SOCS4: variants seen among roughly 807,000 people sequenced by gnomAD.
SOCS4 encodes SH2 domain containing SOCS box protein.
A neutral mutation model predicts 34.1 loss-of-function variants in SOCS4; 20 were observed. That is an observed-to-expected ratio of 0.59 (90% CI 0.41 to 0.85). The LOEUF (loss-of-function observed/expected upper bound fraction) is 0.85, where lower values mean the gene tolerates loss of function less well. Ranked by LOEUF, SOCS4 falls within the 40% of genes least tolerant of loss-of-function variation. The pLI is 0.00. For synonymous variants in SOCS4, 180 were observed against 186.4 expected (o/e 0.97, Z 0.28); for missense variants, 479 against 532.4 (o/e 0.90, Z 0.99).
At chr14:55,035,873 A>T (rs2042567985) in intron 2 of SOCS4, among the ~76,000 whole-genome samples, 1 of 152,100 alleles carries the variant, frequency 6.6e-6, no homozygotes, top group South Asian at 2.1e-4. Flanking sequence ...ATTTTAATAA[A>T]AATTGGCCAT....
intron 1 of SOCS4, among the ~76,000 whole-genome samples, chr14:55,028,578 A>G (rs975334429): frequency 2.6e-5 from 4 of 152,162 alleles, no homozygotes; most frequent in African/African-American, 9.7e-5. Context: ...GGTTAGTACT[A>G]TTCAGAGCTC....
chr14:55,043,228 A>T lies in SOCS4; in HGVS notation c.187A>T (p.Arg63Trp). ...TATAGAGAAAACCGAAGTGTCTTTA[A>T]GGAACCAAGAAAGGAAGCACAGCTG... ...NGIEKTEVSLRNQERKHSCSS... is the reference protein window; with the variant it reads ...NGIEKTEVSLWNQERKHSCSS... The change falls in exon 3 of 3, where the codon AGG becomes TGG. Residue 63 changes from arginine (R) to tryptophan (W), a missense_variant. By Grantham distance (101) the Arg-to-Trp change is moderately radical. Coordinates refer to ENST00000555846, the MANE Select transcript of SOCS4 (RefSeq NM_199421.2). 2 of 1,614,246 alleles carry T rather than the reference A, an allele frequency of 1.2e-6. No homozygotes were observed. Among genetic ancestry groups the T allele is most frequent in the Non-Finnish European group, 1.7e-6 (2 of 1,180,052 alleles).
At chr14:55,039,845 G>A (rs546021472) in intron 2 of SOCS4, among the ~76,000 whole-genome samples, 128 of 151,954 alleles carry the variant, frequency 8.4e-4, no homozygotes, top group East Asian at 3.9e-4. Flanking sequence ...GCAGTGAGCC[G>A]AGATCGTGCC....
In SOCS4 at chr14:55,045,231, G is replaced by T. The variant is rs1257507953; in HGVS notation, c.*867G>T. 6.0e-6 allele frequency: 1 copy of T among 166,888 alleles called. No homozygotes were observed. Among genetic ancestry groups the T allele is most frequent in the Non-Finnish European group, 1.5e-5 (1 of 68,026 alleles). 10.3% of individuals were successfully genotyped at this position (166,888 alleles called of 1,614,324 possible). A position where few individuals can be genotyped will look rare whatever the true frequency, so the allele number is the denominator to read the frequency against. ...TTACTAAAGTGCTAAAGTAATTGTGGGGTTTTTCTGTATTAGCTTATGAAC... is the reference window on the plus strand; with the variant it reads ...TTACTAAAGTGCTAAAGTAATTGTGTGGTTTTTCTGTATTAGCTTATGAAC... On this transcript the variant is annotated 3_prime_UTR_variant, in exon 3 of 3. Transcript: ENST00000555846.
intron 2 of SOCS4, among the ~76,000 whole-genome samples, chr14:55,034,576 G>A (rs918491712): frequency 1.3e-5 from 2 of 152,252 alleles, no homozygotes; most frequent in African/African-American, 2.4e-5. Context: ...ACTCATGCCT[G>A]TAATCTTAGC....
chr14:55,041,996 T>C (rs1426106258), intron 2 of SOCS4, among the ~76,000 whole-genome samples: 1 of 151,730 alleles, frequency 6.6e-6, no homozygotes, highest in Non-Finnish European at 1.5e-5. Context: ...TTTCACTGTT[T>C]TGGCCAGGCT....
chr14:55,045,211 A>G lies in SOCS4; in HGVS notation c.*847A>G, dbSNP rs1196919936. 6.0e-6 allele frequency: 1 copy of G among 167,028 alleles called. No individual in the cohort carries two copies. Among genetic ancestry groups the G allele is most frequent in the East Asian group, 1.9e-4 (1 of 5,208 alleles). 10.3% of individuals were successfully genotyped at this position (167,028 alleles called of 1,614,324 possible). A position where few individuals can be genotyped will look rare whatever the true frequency, so the allele number is the denominator to read the frequency against. On this transcript the variant is annotated 3_prime_UTR_variant, in exon 3 of 3. Coordinates refer to ENST00000555846, the MANE Select transcript of SOCS4 (RefSeq NM_199421.2). ...ACACTATTAGTAGCTAGTAGTTACT[A>G]AAGTGCTAAAGTAATTGTGGGGTTT...
Position 55,048,949 on chromosome 14 carries a change from ACTTCT to A in SOCS4, c.*4589_*4593del, listed in dbSNP as rs1433727642. On this transcript the variant is annotated 3_prime_UTR_variant, in exon 3 of 3. Transcript: ENST00000555846. ...TAGTGGATGCTGCATAATTACATTCACTTCTCTTAGACTGTAAAAGACTTTCTTGA... is the reference window on the plus strand; with the variant it reads ...TAGTGGATGCTGCATAATTACATTCACTTAGACTGTAAAAGACTTTCTTGA... The A allele has an allele frequency of 6.0e-6, 1 of 167,016 alleles. No homozygotes were observed. The highest frequency in any genetic ancestry group is 6.5e-5 in the Admixed American group (1 of 15,284). The allele number at this position is 167,016 out of a possible 1,614,324, so 10.3% of individuals were successfully genotyped here.
chr14:55,043,599 C>A lies in SOCS4; in HGVS notation c.558C>A (p.Asn186Lys). ...GAAGAAATATGGAAGAAAATATAAA[C>A]TGTTTCTCACATACCAATGTTCAGC... ...LKRRNMEENINCFSHTNVQPC... is the reference protein window; with the variant it reads ...LKRRNMEENIKCFSHTNVQPC... Residue 186 changes from asparagine to lysine, a missense_variant, in exon 3 of 3, where the codon AAC (asparagine) becomes AAA (lysine). Transcript: ENST00000555846. 1 of 1,614,150 alleles carries A rather than the reference C, an allele frequency of 6.2e-7. No homozygotes were observed. Among genetic ancestry groups the A allele is most frequent in the Non-Finnish European group, 8.5e-7 (1 of 1,180,014 alleles).
In SOCS4 at chr14:55,043,918, A is replaced by G; in HGVS notation, c.877A>G (p.Lys293Glu). The G allele has an allele frequency of 6.2e-7, 1 of 1,614,188 alleles. No homozygotes were observed. The highest frequency in any genetic ancestry group is 8.5e-7 in the Non-Finnish European group (1 of 1,180,028). ...NNPCYWGVMDKYAAEALLEGK... is the reference protein window; with the variant it reads ...NNPCYWGVMDEYAAEALLEGK... ...CCCATGTTACTGGGGAGTGATGGAT[A>G]AATACGCAGCCGAAGCACTACTGGA... Residue 293 changes from lysine to glutamate, a missense_variant, in exon 3 of 3, where the codon AAA becomes GAA. Physicochemically the swap from Lys to Glu is moderately conservative, Grantham distance 56. Transcript: ENST00000555846.
At chr14:55,028,450 A>G (rs2042491554) in intron 1 of SOCS4, among the ~76,000 whole-genome samples, 1 of 151,800 alleles carries the variant, frequency 6.6e-6, no homozygotes, top group African/African-American at 2.4e-5. Flanking sequence ...TTTTTTGGAT[A>G]GACTGGCTTA....
In SOCS4 at chr14:55,041,783, C is replaced by CTTTTTTTTTTTTTTTTTTTT. The variant is rs35998700; in HGVS notation, c.-90-1162_-90-1143dup. Among the ~76,000 whole-genome samples the CTTTTTTTTTTTTTTTTTTTT allele has an allele frequency of 3.0e-3, 122 of 40,078 alleles. 22 individuals carry two copies. The highest frequency in any genetic ancestry group is 3.8e-3 in the Non-Finnish European group (80 of 21,040). The allele number at this position is 40,078 out of a possible 152,430, so 26.3% of individuals were successfully genotyped here. A position where few individuals can be genotyped will look rare whatever the true frequency, so the allele number is the denominator to read the frequency against. On this transcript the variant is annotated intron_variant, in intron 2 of 2. Coordinates refer to ENST00000555846, the MANE Select transcript of SOCS4 (RefSeq NM_199421.2). ...CCACCGTGCCCAGCCAACCCTTAAT[C>CTTTTTTTTTTTTTTTTTTTT]TTTTTTTTTTTTTTTTTTTTTTTTT...
At chr14:55,039,090 A>G (rs2042596176) in intron 2 of SOCS4, among the ~76,000 whole-genome samples, 1 of 152,158 alleles carries the variant, frequency 6.6e-6, no homozygotes, top group Non-Finnish European at 1.5e-5. Flanking sequence ...GACTGGAGTA[A>G]TTTTTGTTTT....
rs2042629445 is a variant in SOCS4 at position 55,042,510 on chromosome 14, G to A, written c.-90-442G>A. 2.6e-5 allele frequency among the ~76,000 whole-genome samples: 4 copies of A among 152,238 alleles called. No homozygotes were observed. The South Asian group carries it at 8.3e-4, about 32-fold the overall frequency. ...AGGAAATAGGGAGAAGAAGGTGAAG[G>A]AACTATGTAGGGTAGTAGTTCTCAA... is the stretch of plus-strand genomic sequence containing the variant. On this transcript the variant is annotated intron_variant, in intron 2 of 2. Transcript: ENST00000555846.
intron 1 of SOCS4, among the ~76,000 whole-genome samples, chr14:55,029,416 T>C (rs1232149753): frequency 1.3e-5 from 2 of 152,156 alleles, no homozygotes; most frequent in African/African-American, 4.8e-5. Context: ...ACAGATTGAA[T>C]TGCAGTGATG....
chr14:55,047,338 C>G lies in SOCS4; in HGVS notation c.*2974C>G, dbSNP rs930224574. On this transcript the variant is annotated 3_prime_UTR_variant, in exon 3 of 3. Coordinates refer to ENST00000555846, the MANE Select transcript of SOCS4 (RefSeq NM_199421.2). Reference sequence around the variant, plus strand: ...TTTCTCTGAAGCTTTACAGGACATACTCCCACTCCCATTTTTTTCTAAGCC... The same window carrying G: ...TTTCTCTGAAGCTTTACAGGACATAGTCCCACTCCCATTTTTTTCTAAGCC... 1 of 167,216 alleles carries G rather than the reference C, an allele frequency of 6.0e-6. No individual in the cohort carries two copies. Among genetic ancestry groups the G allele is most frequent in the Middle Eastern group, 3.4e-3 (1 of 296 alleles). The allele number at this position is 167,216 out of a possible 1,614,324, so 10.4% of individuals were successfully genotyped here. A position where few individuals can be genotyped will look rare whatever the true frequency, so the allele number is the denominator to read the frequency against.
chr14:55,044,400 T>C lies in SOCS4; in HGVS notation c.*36T>C. The C allele has an allele frequency of 3.0e-6, 4 of 1,319,892 alleles. No individual in the cohort carries two copies. The highest frequency in any genetic ancestry group is 3.9e-6 in the Non-Finnish European group (4 of 1,023,220). The allele number at this position is 1,319,892 out of a possible 1,614,324, so 81.8% of individuals were successfully genotyped here. A position where few individuals can be genotyped will look rare whatever the true frequency, so the allele number is the denominator to read the frequency against. On this transcript the variant is annotated 3_prime_UTR_variant, in exon 3 of 3. Coordinates refer to ENST00000555846, the MANE Select transcript of SOCS4 (RefSeq NM_199421.2). Reference sequence around the variant, plus strand: ...GGAACATGGGAATGATAATATATATTTTTTCTTTTAATATTTTATTTTTCT... The same window carrying C: ...GGAACATGGGAATGATAATATATATCTTTTCTTTTAATATTTTATTTTTCT...
rs1372233263 is a variant in SOCS4 at position 55,049,352 on chromosome 14, C to G, written c.*4988C>G. 6.0e-6 allele frequency: 1 copy of G among 167,018 alleles called. No homozygotes were observed. The highest frequency in any genetic ancestry group is 2.4e-5 in the African/African-American group (1 of 41,450). 10.3% of individuals were successfully genotyped at this position (167,018 alleles called of 1,614,324 possible). ...TCAGGCTTGTATGATCTATTCCTTA[C>G]CACAAAAGAAGTAGACAATTGCCAC... On this transcript the variant is annotated 3_prime_UTR_variant, in exon 3 of 3. Transcript: ENST00000555846.
chr14:55,038,437 T>C (rs1038895538), intron 2 of SOCS4, among the ~76,000 whole-genome samples: 1 of 152,212 alleles, frequency 6.6e-6, no homozygotes, highest in Non-Finnish European at 1.5e-5. Flanking sequence ...TAGCTTTTTA[T>C]TGGAGGATTC....
Sources: allele counts gnomAD v4.1 joint callset (sites outside exome capture counted in the v4.1 genomes callset), GRCh38; gene constraint gnomAD v4.1.1; transcripts MANE v1.5; gene names NCBI Gene and HGNC (gene_info 2026-07-23, HGNC 2026-07-21).